The following IZUMO1 variants were observed in gnomAD, a reference collection of about 807,000 sequenced individuals.
IZUMO1 encodes the protein izumo sperm-oocyte fusion 1, also known as izumo sperm-egg fusion protein 1.
Under a neutral mutation model 40.7 loss-of-function variants are expected in IZUMO1, and 44 were observed. That is an observed-to-expected ratio of 1.08 (90% CI 0.85 to 1.39). The LOEUF (loss-of-function observed/expected upper bound fraction) is 1.39, where lower values mean the gene tolerates loss of function less well. Ranked by LOEUF, IZUMO1 falls within the 40% of genes most tolerant of loss-of-function variation. The pLI is 0.00. For missense variants in IZUMO1, 368 were observed against 436.9 expected (o/e 0.84, Z 1.41); for synonymous variants, 149 against 170.9 (o/e 0.87, Z 1.00).
intron 3 of IZUMO1, 26 bp downstream of exon 3, chr19:48,745,188 G>A: frequency 6.3e-7 from 1 of 1,593,294 alleles, no homozygotes; most frequent in Non-Finnish European, 8.6e-7. Context: ...AGAGATTCGG[G>A]ACTCCCACCC....
At position 48,743,230 on chromosome 19, in the gene IZUMO1, G is replaced by A. The variant is rs138573475; in HGVS notation, c.499+215C>T. 2.6e-3 allele frequency: 1,509 copies of A among 575,710 alleles called. 3 individuals carry two copies. Among genetic ancestry groups the A allele is most frequent in the Non-Finnish European group, 3.7e-3 (1,190 of 321,980 alleles). The allele number at this position is 575,710 out of a possible 1,614,324, so 35.7% of individuals were successfully genotyped here. A position where few individuals can be genotyped will look rare whatever the true frequency, so the allele number is the denominator to read the frequency against. Reference sequence around the variant, plus strand: ...TTTTGTAGAGATAGAGTCTCGCTATGTTGCCCAGGCTGGTCTCAAACTCCT... The same window carrying A: ...TTTTGTAGAGATAGAGTCTCGCTATATTGCCCAGGCTGGTCTCAAACTCCT... On this transcript the variant is annotated intron_variant, in intron 6 of 9. Transcript: ENST00000332955.
chr19:48,741,581 C>G lies in IZUMO1; in HGVS notation c.755-103G>C. 3.7e-6 allele frequency: 5 copies of G among 1,369,158 alleles called. No homozygotes were observed. Among genetic ancestry groups the G allele is most frequent in the Non-Finnish European group, 5.0e-6 (5 of 994,162 alleles). The allele number at this position is 1,369,158 out of a possible 1,614,324, so 84.8% of individuals were successfully genotyped here. A position where few individuals can be genotyped will look rare whatever the true frequency, so the allele number is the denominator to read the frequency against. ...GCCGGCCATCCCAGAGATAATCACG[C>G]CTTCAACAGTGTCAAGCCTGAACAC... is the stretch of plus-strand genomic sequence containing the variant. On this transcript the variant is annotated intron_variant, in intron 8 of 9. Transcript: ENST00000332955. This position sits in a 1 kb window ranked among gnomAD's most constrained non-coding sequence, Gnocchi z 4.4.
At position 48,741,544 on chromosome 19, in the gene IZUMO1, C is replaced by G; in HGVS notation, c.755-66G>C. ...GAGTTCCTGCCCTGGCAAAGACAAGCCCGTCCCAGTAGCCGGCCATCCCAG... is the reference window on the plus strand; with the variant it reads ...GAGTTCCTGCCCTGGCAAAGACAAGGCCGTCCCAGTAGCCGGCCATCCCAG... On this transcript the variant is annotated intron_variant, in intron 8 of 9. Coordinates refer to ENST00000332955, the MANE Select transcript of IZUMO1 (RefSeq NM_182575.3). The surrounding 1 kb of genome is among the most constrained non-coding windows in gnomAD (Gnocchi z 4.4). 6.6e-7 allele frequency: 1 copy of G among 1,516,390 alleles called. No individual in the cohort carries two copies. The highest frequency in any genetic ancestry group is 1.4e-5 in the African/African-American group (1 of 72,720). 93.9% of individuals were successfully genotyped at this position (1,516,390 alleles called of 1,614,324 possible).
Position 48,746,151 on chromosome 19 carries a change from T to G in IZUMO1, c.-73-219A>C, listed in dbSNP as rs117853803. ...CCCCCAACTGAGAGATCAGAAAAACTATTAAACAGGAATCACTCATAAGTC... is the reference window on the plus strand; with the variant it reads ...CCCCCAACTGAGAGATCAGAAAAACGATTAAACAGGAATCACTCATAAGTC... On this transcript the variant is annotated intron_variant, in intron 1 of 9. Transcript: ENST00000332955. The G allele has an allele frequency of 3.0e-4, 384 of 1,260,842 alleles. 1 individual carries two copies. The East Asian group carries it at 1.0e-2, about 33-fold the overall frequency. 78.1% of individuals were successfully genotyped at this position (1,260,842 alleles called of 1,614,324 possible). A position where few individuals can be genotyped will look rare whatever the true frequency, so the allele number is the denominator to read the frequency against.
rs749038937 is a variant in IZUMO1 at position 48,740,888 on chromosome 19, T to C, written c.*20A>G. 1 of 1,614,090 alleles carries C rather than the reference T, an allele frequency of 6.2e-7. No individual in the cohort carries two copies. The highest frequency in any genetic ancestry group is 1.1e-5 in the South Asian group (1 of 91,084). ...CCGTCCCGGGGAGTGAGTCAGATGC[T>C]TAGACAACAAGATAAATCTTTATTG... is the stretch of plus-strand genomic sequence containing the variant. On this transcript the variant is annotated 3_prime_UTR_variant, in exon 10 of 10. Transcript: ENST00000332955. The surrounding 1 kb of genome is among the most constrained non-coding windows in gnomAD (Gnocchi z 5.5).
At chr19:48,744,755 T>C (rs2033828447) in intron 3 of IZUMO1, among the ~76,000 whole-genome samples, 1 of 152,058 alleles carries the variant, frequency 6.6e-6, no homozygotes, top group Non-Finnish European at 1.5e-5. Flanking sequence ...GGTGTAATCG[T>C]GGCTCACTGA....
rs145235451 is a variant in IZUMO1, at chr19:48,741,360, G to A, written c.873C>T (p.Ser291=). ...QPLQPEKMLA[S]RLLGLLICGS... is the part of the protein sequence containing the mutation. ...CGCAGATCAGCAGCCCCAGAAGGCG[G>A]CTTGCCAGCATTTTCTCGGGCTGCA... The change falls in exon 9 of 10, where the codon AGC becomes AGT. Residue 291 remains serine (S), a synonymous_variant. Transcript: ENST00000332955. The surrounding 1 kb of genome is among the most constrained non-coding windows in gnomAD (Gnocchi z 4.4). 3 of 1,612,440 alleles carry A rather than the reference G, an allele frequency of 1.9e-6. No homozygotes were observed. Among genetic ancestry groups the A allele is most frequent in the South Asian group, 1.1e-5 (1 of 91,046 alleles).
intron 6 of IZUMO1, 31 bp from the exon 7 acceptor site, chr19:48,742,340 A>G (rs760464187): frequency 3.3e-6 from 5 of 1,496,784 alleles, no homozygotes; most frequent in Non-Finnish European, 4.7e-6. Context: ...TGGGACACTC[A>G]TGATTCTGTT....
rs766825763 is a variant in IZUMO1, at chr19:48,745,972, A to G, written c.-73-40T>C. The G allele has an allele frequency of 5.3e-6, 8 of 1,511,262 alleles. No homozygotes were observed. The African/African-American group carries it at 9.8e-5, about 18-fold the overall frequency. 93.6% of individuals were successfully genotyped at this position (1,511,262 alleles called of 1,614,324 possible). A position where few individuals can be genotyped will look rare whatever the true frequency, so the allele number is the denominator to read the frequency against. On this transcript the variant is annotated intron_variant, in intron 1 of 9. Coordinates refer to ENST00000332955, the MANE Select transcript of IZUMO1 (RefSeq NM_182575.3). ...GCCAAAATCCATCTTAAGAAATCCC[A>G]CTGGGCCGCCTATCCATGGGGTCCG... is the stretch of plus-strand genomic sequence containing the variant.
At position 48,741,990 on chromosome 19, in the gene IZUMO1, TG is replaced by T. The variant is rs1237298848; in HGVS notation, c.601-49del. 2 of 1,555,498 alleles carry T rather than the reference TG, an allele frequency of 1.3e-6. No homozygotes were observed. The highest frequency in any genetic ancestry group is 1.9e-5 in the Admixed American group (1 of 53,270). On this transcript the variant is annotated intron_variant, in intron 7 of 9. Transcript: ENST00000332955. This position sits in a 1 kb window ranked among gnomAD's most constrained non-coding sequence, Gnocchi z 4.4. ...ACTGAGGCCTGAGGAATTCAGGGGT[TG>T]GGGGAGTACAGGGGTGAGAAGATCA...
rs1222621103 is a variant in IZUMO1 at position 48,746,494 on chromosome 19, G to C, written c.-133C>G. ...AAGCGAGACTCCATGCGGTCCTCTA[G>C]ACCTAGGGGGCCCTTGTTCACCCTT... On this transcript the variant is annotated 5_prime_UTR_variant, in exon 1 of 10. Coordinates refer to ENST00000332955, the MANE Select transcript of IZUMO1 (RefSeq NM_182575.3). 1.0e-6 allele frequency: 1 copy of C among 986,462 alleles called. No homozygotes were observed. Among genetic ancestry groups the C allele is most frequent in the African/African-American group, 1.7e-5 (1 of 57,190 alleles). The allele number at this position is 986,462 out of a possible 1,614,324, so 61.1% of individuals were successfully genotyped here. A position where few individuals can be genotyped will look rare whatever the true frequency, so the allele number is the denominator to read the frequency against.
chr19:48,744,384 G>A, intron 4 of IZUMO1, 69 bp downstream of exon 4: 1 of 1,320,528 alleles, frequency 7.6e-7, no homozygotes, highest in African/African-American at 1.4e-5. Context: ...AGAAGTAAGG[G>A]GCTGGAGACA....
chr19:48,745,200 C>A lies in IZUMO1; in HGVS notation c.310+14G>T, dbSNP rs771437746. 2 of 1,609,268 alleles carry A rather than the reference C, an allele frequency of 1.2e-6. No individual in the cohort carries two copies. The highest frequency in any genetic ancestry group is 2.2e-5 in the South Asian group (2 of 90,982). On this transcript the variant is annotated intron_variant, in intron 3 of 9. Transcript: ENST00000332955. The stretch of plus-strand genomic sequence containing the variant: ...CTGAGAGATTCGGGACTCCCACCCC[C>A]TTGATGCATTTACCTTTTACATCAC...
At chr19:48,746,344 G>A (rs1252494427) in intron 1 of IZUMO1, 91 bp downstream of exon 1, 2 of 1,008,422 alleles carry the variant, frequency 2.0e-6, no homozygotes, top group Non-Finnish European at 2.4e-6. Context: ...ACCTCAAGCT[G>A]AAGATTCAAT....
At chr19:48,745,387 A>G (rs1030940871) in intron 2 of IZUMO1, 99 bp from the exon 3 acceptor site, 31 of 1,165,914 alleles carry the variant, frequency 2.7e-5, no homozygotes, top group Non-Finnish European at 3.9e-5. Flanking sequence ...GGGCAAAGAT[A>G]GGCCTGGTTA....
chr19:48,745,081 T>A, intron 3 of IZUMO1, 133 bp downstream of exon 3: 1 of 729,620 alleles, frequency 1.4e-6, no homozygotes, highest in Non-Finnish European at 2.4e-6. Flanking sequence ...GCCGTACAGC[T>A]AGGAAGTGGC....
chr19:48,742,190 C>T lies in IZUMO1; in HGVS notation c.600+19G>A. ...TGTAGTCTAGGGAGTTCAAGGGTTA[C>T]AGAAGTTGAGGCCCTCACCCTGTAA... On this transcript the variant is annotated intron_variant, in intron 7 of 9. Coordinates refer to ENST00000332955, the MANE Select transcript of IZUMO1 (RefSeq NM_182575.3). The T allele has an allele frequency of 6.3e-7, 1 of 1,593,632 alleles. No homozygotes were observed. The highest frequency in any genetic ancestry group is 1.1e-5 in the South Asian group (1 of 90,586).
At chr19:48,744,058 A>T in intron 5 of IZUMO1, 117 bp downstream of exon 5, 2 of 852,650 alleles carry the variant, frequency 2.3e-6, no homozygotes, top group Non-Finnish European at 4.0e-6. Flanking sequence ...AATACTGGAG[A>T]CCCAGGAACC....
Position 48,742,240 on chromosome 19 carries a change from G to A in IZUMO1, c.569C>T (p.Ser190Leu), listed in dbSNP as rs146107337. 5.8e-5 allele frequency: 94 copies of A among 1,614,106 alleles called. No homozygotes were observed. In the African/African-American group the frequency reaches 6.3e-4, roughly 11 times the overall value. The change falls in exon 7 of 10, where the codon TCG becomes TTG. Residue 190 changes from serine (S) to leucine (L), a missense_variant. By Grantham distance (145) the Ser-to-Leu change is moderately radical (BLOSUM62 -2). Transcript: ENST00000332955. ...LDCELNWHQA[S>L]EGLTDYSFYR... ...AAAGCTGTAATCAGTGAGGCCTTCCGAAGCCTGATGCCAGTTTAACTCACA... is the reference window on the plus strand; with the variant it reads ...AAAGCTGTAATCAGTGAGGCCTTCCAAAGCCTGATGCCAGTTTAACTCACA...
Sources: gnomAD v4.1 joint callset for allele counts (sites outside exome capture counted in the v4.1 genomes callset) on GRCh38, gnomAD v4.1.1 for gene constraint, Gnocchi (gnomAD v3.1) non-coding constraint, MANE v1.5 for transcripts, NCBI Gene and HGNC (gene_info 2026-07-23, HGNC 2026-07-21) for gene names.